UGT1A3: variants seen among roughly 807,000 people sequenced by gnomAD.
The protein encoded by UGT1A3 is UDP-glucuronosyltransferase 1A3.
UGT1A3 carries 31 observed loss-of-function variants against 41.0 expected under a neutral mutation model. The observed-to-expected ratio is 0.76, with a 90% CI of 0.57 to 1.02. UGT1A3 has a LOEUF of 1.02. Among genes scored for constraint, UGT1A3 ranks in the 50% least tolerant of loss-of-function variants. UGT1A3 has a pLI of 0.00. For synonymous variants in UGT1A3, 262 were observed against 257.6 expected, an observed-to-expected ratio of 1.02 and a Z score of -0.17; for missense variants, 737 against 671.0, an observed-to-expected ratio of 1.10 and a Z score of -1.09.
intron 1 of UGT1A3, among the ~76,000 whole-genome samples, chr2:233,737,465 G>A (rs1434915889): frequency 6.6e-6 from 1 of 152,178 alleles, no homozygotes; most frequent in African/African-American, 2.4e-5. Context: ...AGTCTGTCAT[G>A]GCTCCCCTTG....
At chr2:233,736,278 A>G (rs1329214759) in intron 1 of UGT1A3, among the ~76,000 whole-genome samples, 1 of 152,040 alleles carries the variant, frequency 6.6e-6, no homozygotes, top group African/African-American at 2.4e-5. Flanking sequence ...AGTCACTGAT[A>G]CCCTTTCTTC....
At chr2:233,759,581 G>A (rs1697180205) in intron 1 of UGT1A3, among the ~76,000 whole-genome samples, 2 of 151,312 alleles carry the variant, frequency 1.3e-5, no homozygotes, top group Admixed American at 6.6e-5. Context: ...CTCTACCCCA[G>A]CACGCCCCCC....
chr2:233,739,008 T>C (rs1430369611), intron 1 of UGT1A3: 2 of 152,268 alleles, frequency 1.3e-5, no homozygotes, highest in Admixed American at 6.5e-5. Context: ...TGTGTCCCAG[T>C]GGCTCCAGCC....
In UGT1A3 at chr2:233,729,607, C is replaced by A. The variant is rs776036821; in HGVS notation, c.481C>A (p.Leu161Met). The A allele has an allele frequency of 1.2e-6, 2 of 1,613,986 alleles. No homozygotes were observed. The highest frequency in any genetic ancestry group is 2.2e-5 in the South Asian group (2 of 91,070). ...CCCCGTTAACCTCTGCGCGGCAGTG[C>A]TGGCTAAGTACCTGTCGATTCCTAC... ...TDPVNLCAAVLAKYLSIPTVF... is the reference protein window; with the variant it reads ...TDPVNLCAAVMAKYLSIPTVF... The change falls in exon 1 of 5, where the codon CTG becomes ATG. Residue 161 changes from leucine to methionine, a missense_variant. Physicochemically the swap from Leu to Met is conservative, Grantham distance 15 (BLOSUM62 2). Coordinates refer to ENST00000482026, the MANE Select transcript of UGT1A3 (RefSeq NM_019093.4).
At chr2:233,741,956 CTTG>C (rs1315214944) in intron 1 of UGT1A3, 1 of 151,862 alleles carries the variant, frequency 6.6e-6, no homozygotes, top group East Asian at 1.9e-4. Flanking sequence ...AAGGTACTTT[CTTG>C]TTGTGTTTAT....
chr2:233,743,863 G>A (rs369107156), intron 1 of UGT1A3: 364 of 1,364,642 alleles, frequency 2.7e-4, no homozygotes, highest in Middle Eastern at 2.1e-4. Context: ...CCTTCTTGAT[G>A]GCCTCGGATG....
At chr2:233,765,421 C>T (rs1411731251) in intron 1 of UGT1A3, among the ~76,000 whole-genome samples, 1 of 152,188 alleles carries the variant, frequency 6.6e-6, no homozygotes, top group Non-Finnish European at 1.5e-5. Context: ...GAATACTATG[C>T]AGCCATAACA....
chr2:233,756,734 ACCT>A (rs1246183091), intron 1 of UGT1A3, among the ~76,000 whole-genome samples: 2 of 151,778 alleles, frequency 1.3e-5, no homozygotes, highest in African/African-American at 2.4e-5. Flanking sequence ...AGTTCTCTTC[ACCT>A]CCTCCTTATT....
intron 1 of UGT1A3, chr2:233,741,678 G>T (rs1691739427): frequency 1.3e-5 from 2 of 151,908 alleles, no homozygotes; most frequent in African/African-American, 4.9e-5. Context: ...TTTATTGCTT[G>T]GGTGCCATTA....
In UGT1A3 at chr2:233,729,644, T is replaced by A; in HGVS notation, c.518T>A (p.Leu173Ter). ...KYLSIPTVFF[L>*]RNIPCDLDFK... ...CTGTCGATTCCTACTGTGTTTTTTT[T>A]GAGGAACATTCCATGTGATTTAGAC... The change falls in exon 1 of 5, where the codon TTG becomes TAG. Residue 173 changes from leucine (L) to a stop codon, truncating the protein, a stop_gained. Coordinates refer to ENST00000482026, the MANE Select transcript of UGT1A3 (RefSeq NM_019093.4). LOFTEE classifies it high-confidence loss of function. 9 of 1,613,954 alleles carry A rather than the reference T, an allele frequency of 5.6e-6. No individual in the cohort carries two copies. The highest frequency in any genetic ancestry group is 7.6e-6 in the Non-Finnish European group (9 of 1,179,876).
chr2:233,746,424 C>G (rs1693388244), intron 1 of UGT1A3, among the ~76,000 whole-genome samples: 1 of 151,702 alleles, frequency 6.6e-6, no homozygotes, highest in African/African-American at 2.4e-5. Flanking sequence ...GACCTATTAA[C>G]TTATGTCTTC....
In UGT1A3 at chr2:233,754,904, A is replaced by C. The variant is rs113535606; in HGVS notation, c.868-12130A>C. On this transcript the variant is annotated intron_variant, in intron 1 of 4. Coordinates refer to ENST00000482026, the MANE Select transcript of UGT1A3 (RefSeq NM_019093.4). ...CCAGGGAGTTCCTCTGACCCCCCAA[A>C]ATATTCTCCAGCGGGTTTCCCAAGA... 1.2e-5 allele frequency: 16 copies of C among 1,351,372 alleles called. No homozygotes were observed. In the African/African-American group the frequency reaches 1.3e-4, roughly 11 times the overall value. The allele number at this position is 1,351,372 out of a possible 1,614,324, so 83.7% of individuals were successfully genotyped here. A position where few individuals can be genotyped will look rare whatever the true frequency, so the allele number is the denominator to read the frequency against.
chr2:233,739,834 G>T (rs1286639353), intron 1 of UGT1A3, among the ~76,000 whole-genome samples: 1 of 152,016 alleles, frequency 6.6e-6, no homozygotes, highest in Non-Finnish European at 1.5e-5. Context: ...GAAAAGACAT[G>T]AGATTTGGGA....
rs140687237 is a variant in UGT1A3 at position 233,731,471 on chromosome 2, T to A, written c.867+1478T>A. ...CCACAACAGGCCCTGGCGTGTGATG[T>A]TCCCTGGCCTGTGTCCAGTGTTCTT... On this transcript the variant is annotated intron_variant, in intron 1 of 4. Transcript: ENST00000482026. Among the ~76,000 whole-genome samples, 413 of 152,262 alleles carry A rather than the reference T, an allele frequency of 2.7e-3. 1 individual carries two copies. Among genetic ancestry groups the A allele is most frequent in the South Asian group, 0.017 (82 of 4,820 alleles).
rs1699951118 is a variant in UGT1A3, at chr2:233,769,835, G to A, written c.1307+1396G>A. The A allele has an allele frequency of 3.1e-6, 2 of 640,066 alleles. No individual in the cohort carries two copies. The highest frequency in any genetic ancestry group is 2.3e-6 in the Non-Finnish European group (1 of 426,370). The allele number at this position is 640,066 out of a possible 1,614,324, so 39.6% of individuals were successfully genotyped here. A position where few individuals can be genotyped will look rare whatever the true frequency, so the allele number is the denominator to read the frequency against. On this transcript the variant is annotated intron_variant, in intron 4 of 4. Coordinates refer to ENST00000482026, the MANE Select transcript of UGT1A3 (RefSeq NM_019093.4). The surrounding 1 kb of genome is among the most constrained non-coding windows in gnomAD (Gnocchi z 4.4). ...ATGCCACTGCACTCCAGCAACCTGG[G>A]CAACAGAGTGAGACCCTGTCTCAAA...
At chr2:233,760,161 T>G (rs768792415) in intron 1 of UGT1A3, 27 of 1,512,160 alleles carry the variant, frequency 1.8e-5, no homozygotes, top group Non-Finnish European at 2.3e-5. Context: ...CCTGCTACCT[T>G]TGTGGACTGA....
At chr2:233,741,469 A>T (rs1331222239) in intron 1 of UGT1A3, 1 of 151,940 alleles carries the variant, frequency 6.6e-6, no homozygotes, top group African/African-American at 2.4e-5. Context: ...CACACATGTA[A>T]GTTCCCTCGT....
chr2:233,771,328 C>G (rs11888492), intron 4 of UGT1A3: 27,690 of 151,958 alleles, frequency 0.18, 3,662 homozygotes, highest in African/African-American at 0.37. Flanking sequence ...CTTCAATCTC[C>G]TCTTCATTCC....
intron 1 of UGT1A3, among the ~76,000 whole-genome samples, chr2:233,732,331 T>C (rs2078260984): frequency 6.6e-6 from 1 of 152,256 alleles, no homozygotes; most frequent in Admixed American, 6.5e-5. Flanking sequence ...TTTGTTGCCA[T>C]TGCTTTTGGT....
Sources: allele counts gnomAD v4.1 joint callset (sites outside exome capture counted in the v4.1 genomes callset), GRCh38; gene constraint gnomAD v4.1.1; non-coding constraint Gnocchi (gnomAD v3.1); transcripts MANE v1.5; gene names NCBI Gene and HGNC (gene_info 2026-07-23, HGNC 2026-07-21).